Variants in MIB1 observed in about 807,000 individuals in gnomAD.
MIB1 encodes the protein E3 ubiquitin-protein ligase MIB1.
Under a neutral mutation model 124.5 loss-of-function variants are expected in MIB1, and 278 were observed. The ratio of observed to expected loss-of-function variants is 2.23; its 90% CI spans 2.02 to 2.47. MIB1 has a LOEUF of 2.47. MIB1 is among the 30% of genes most tolerant of loss of function. The pLI, the probability that MIB1 is intolerant of heterozygous loss-of-function variation, is 0.00. For missense variants in MIB1, 957 were observed against 1,254.4 expected, an observed-to-expected ratio of 0.76 and a Z score of 3.58; for synonymous variants, 446 against 429.4, an observed-to-expected ratio of 1.04 and a Z score of -0.48.
At chr18:21,724,522 T>C (rs942442837) in intron 1 of MIB1, among the ~76,000 whole-genome samples, 23 of 150,134 alleles carry the variant, frequency 1.5e-4, no homozygotes, top group Non-Finnish European at 1.9e-4. Context: ...CTGGCCAATA[T>C]GGTGAAACCC....
At position 21,833,544 on chromosome 18, in the gene MIB1, G is replaced by A. The variant is rs1394302486; in HGVS notation, c.1830-4821G>A. 5.3e-5 allele frequency among the ~76,000 whole-genome samples: 8 copies of A among 152,264 alleles called. No homozygotes were observed. In the East Asian group the frequency reaches 1.5e-3, roughly 29 times the overall value. Reference sequence around the variant, plus strand: ...TTGAACACCTAATATGTGCTACAGTGCTATTCTAATGTTGTTTTGCCTTAA... The same window carrying A: ...TTGAACACCTAATATGTGCTACAGTACTATTCTAATGTTGTTTTGCCTTAA... On this transcript the variant is annotated intron_variant, in intron 12 of 20. Coordinates refer to ENST00000261537, the MANE Select transcript of MIB1 (RefSeq NM_020774.4).
intron 1 of MIB1, among the ~76,000 whole-genome samples, chr18:21,752,328 GTTTT>G (rs898358164): frequency 1.3e-5 from 2 of 151,056 alleles, no homozygotes; most frequent in African/African-American, 4.9e-5. Context: ...GCTTTATAAA[GTTTT>G]TTTTTAATGA....
At chr18:21,780,136 A>G (rs1308696915) in intron 6 of MIB1, among the ~76,000 whole-genome samples, 1 of 152,170 alleles carries the variant, frequency 6.6e-6, no homozygotes, top group East Asian at 1.9e-4. Context: ...AGAGGTGTAC[A>G]TATTTTGGGA....
At chr18:21,792,029 G>C (rs1374245814) in intron 7 of MIB1, among the ~76,000 whole-genome samples, 1 of 152,104 alleles carries the variant, frequency 6.6e-6, no homozygotes, top group Non-Finnish European at 1.5e-5. Flanking sequence ...TTCGTCAAAT[G>C]TTCATCAACA....
chr18:21,777,679 T>G (rs973097767), intron 4 of MIB1, among the ~76,000 whole-genome samples: 1 of 152,096 alleles, frequency 6.6e-6, no homozygotes, highest in East Asian at 1.9e-4. Context: ...CTCCACCTCC[T>G]GAGCATCTGG....
At chr18:21,726,049 CAGTTTTGAAGCAAGGCAACTCATTTA>C (rs1388996058) in intron 1 of MIB1, among the ~76,000 whole-genome samples, 1 of 152,056 alleles carries the variant, frequency 6.6e-6, no homozygotes, top group Non-Finnish European at 1.5e-5. Flanking sequence ...GTGCTAAAAT[CAGTTTTGAAGCAAGGCAACTCATTTA>C]AGTTGAAAAA....
intron 12 of MIB1, among the ~76,000 whole-genome samples, chr18:21,820,472 G>C (rs959320488): frequency 6.6e-6 from 1 of 152,138 alleles, no homozygotes; most frequent in African/African-American, 2.4e-5. Context: ...CCACTAGAGG[G>C]TGACCACAGG....
chr18:21,783,262 A>C (rs1200424882), intron 6 of MIB1, among the ~76,000 whole-genome samples: 2 of 146,688 alleles, frequency 1.4e-5, no homozygotes, highest in Non-Finnish European at 3.0e-5. Flanking sequence ...TTTTTTCTTG[A>C]GATGGAATCT....
At chr18:21,818,943 G>GA (rs1273220476) in intron 11 of MIB1, among the ~76,000 whole-genome samples, 4 of 150,998 alleles carry the variant, frequency 2.6e-5, no homozygotes, top group African/African-American at 4.9e-5. Context: ...TCAAAAAAAA[G>GA]AAAAAAAAAT....
chr18:21,810,495 C>T (rs376857862), intron 10 of MIB1, among the ~76,000 whole-genome samples: 12 of 152,026 alleles, frequency 7.9e-5, no homozygotes, highest in African/African-American at 2.9e-4. Context: ...AGACTTACCA[C>T]AAGGCAACAG....
At chr18:21,828,777 T>C (rs2041950547) in intron 12 of MIB1, 1 of 192,738 alleles carries the variant, frequency 5.2e-6, no homozygotes, top group South Asian at 8.3e-5. Flanking sequence ...TAAAAGGAGT[T>C]TCATGATAAT....
chr18:21,734,296 G>A lies in MIB1; in HGVS notation n.167+29173G>A, dbSNP rs11873340. 7.4e-3 allele frequency among the ~76,000 whole-genome samples: 1,110 copies of A among 149,662 alleles called. 13 individuals are homozygous for A. Among genetic ancestry groups the A allele is most frequent in the African/African-American group, 0.026 (1,045 of 40,782 alleles). ...TATTTTTTGGATTTTTATTAGAGACGGGGTTTCACCGTGTTGGCCAGGATG... is the reference window on the plus strand; with the variant it reads ...TATTTTTTGGATTTTTATTAGAGACAGGGTTTCACCGTGTTGGCCAGGATG... On this transcript the variant is annotated intron_variant and non_coding_transcript_variant, in intron 1 of 20. Transcript: ENST00000578646.
chr18:21,725,018 G>A lies in MIB1; in HGVS notation n.167+19895G>A, dbSNP rs1273105470. On this transcript the variant is annotated intron_variant and non_coding_transcript_variant, in intron 1 of 20. Transcript: ENST00000578646. ...GCTGAGGCAGGAGAATGGCGTGAAC[G>A]CGGGAGGTGGAGCTTGCAGTGAGCT... 3.5e-5 allele frequency among the ~76,000 whole-genome samples: 5 copies of A among 144,640 alleles called. No homozygotes were observed. The East Asian group carries it at 6.3e-4, about 18-fold the overall frequency. 94.9% of individuals were successfully genotyped at this position (144,640 alleles called of 152,430 possible).
chr18:21,742,452 T>G (rs139144687), intron 1 of MIB1, among the ~76,000 whole-genome samples: 1,896 of 152,282 alleles, frequency 0.012, 25 homozygotes, highest in Middle Eastern at 0.027. Flanking sequence ...TTAAATACTT[T>G]TTCCAAGTGG....
chr18:21,784,695 C>T (rs2041413791), intron 6 of MIB1, among the ~76,000 whole-genome samples: 1 of 152,110 alleles, frequency 6.6e-6, no homozygotes, highest in Non-Finnish European at 1.5e-5. Flanking sequence ...GAGAAGTGAC[C>T]AGAAGAGAAG....
upstream of MIB1, among the ~76,000 whole-genome samples, chr18:21,737,613 T>C (rs2040801988): frequency 6.6e-6 from 1 of 152,210 alleles, no homozygotes. Flanking sequence ...GACCCATTGG[T>C]GTGCTGTATT....
At chr18:21,864,005 A>G (rs1311705355) in intron 20 of MIB1, among the ~76,000 whole-genome samples, 1 of 151,178 alleles carries the variant, frequency 6.6e-6, no homozygotes, top group Non-Finnish European at 1.5e-5. Context: ...ACTCCATCTC[A>G]AAAAAAAAGA....
intron 6 of MIB1, among the ~76,000 whole-genome samples, chr18:21,785,398 GGCC>G (rs1489456058): frequency 6.6e-6 from 1 of 152,102 alleles, no homozygotes; most frequent in African/African-American, 2.4e-5. Flanking sequence ...AAAACCCACA[GGCC>G]CAGTAGGGCT....
At chr18:21,798,364 T>C in intron 8 of MIB1, 136 bp downstream of exon 8, 1 of 851,836 alleles carries the variant, frequency 1.2e-6, no homozygotes, top group African/African-American at 1.7e-5. Flanking sequence ...TACTTGAATG[T>C]TGACCACCTT....
Sources: gnomAD v4.1 joint callset for allele counts (sites outside exome capture counted in the v4.1 genomes callset) on GRCh38, gnomAD v4.1.1 for gene constraint, MANE v1.5 for transcripts, NCBI Gene and HGNC (gene_info 2026-07-23, HGNC 2026-07-21) for gene names.